PDGFRL: variants seen among roughly 807,000 people sequenced by gnomAD.
PDGFRL encodes the protein platelet-derived growth factor receptor-like protein.
PDGFRL carries 46 observed loss-of-function variants against 37.2 expected under a neutral mutation model. That is an observed-to-expected ratio of 1.24 (90% CI 0.98 to 1.58). PDGFRL has a LOEUF of 1.58. Among genes scored for constraint, PDGFRL ranks in the 40% most tolerant of loss-of-function variants. The pLI is 0.00. For synonymous variants in PDGFRL, 251 were observed against 184.3 expected (o/e 1.36, Z -2.93); for missense variants, 692 against 467.6 (o/e 1.48, Z -4.43).
chr8:17,627,716 T>C (rs564553231), intron 3 of PDGFRL, among the ~76,000 whole-genome samples: 1 of 151,808 alleles, frequency 6.6e-6, no homozygotes, highest in Non-Finnish European at 1.5e-5. Flanking sequence ...GCTCAGGAGA[T>C]CCACCCGCCT....
At chr8:17,603,780 T>C (rs1804214126) in intron 2 of PDGFRL, among the ~76,000 whole-genome samples, 4 of 152,138 alleles carry the variant, frequency 2.6e-5, no homozygotes, top group Non-Finnish European at 5.9e-5. Context: ...TAATAAAATA[T>C]TAAAGTCTGT....
intron 2 of PDGFRL, among the ~76,000 whole-genome samples, chr8:17,606,939 A>T (rs1280968045): frequency 7.8e-6 from 1 of 128,232 alleles, no homozygotes; most frequent in Non-Finnish European, 1.6e-5. Context: ...TCTGTCACCC[A>T]GGCTGGAGTG....
intron 1 of PDGFRL, among the ~76,000 whole-genome samples, chr8:17,580,637 G>T (rs940557987): frequency 6.6e-6 from 1 of 152,140 alleles, no homozygotes; most frequent in Non-Finnish European, 1.5e-5. Context: ...TAAGGAAGTG[G>T]TAAGTGGCAT....
chr8:17,626,961 C>G (rs1047089161), intron 3 of PDGFRL, among the ~76,000 whole-genome samples: 1 of 152,280 alleles, frequency 6.6e-6, no homozygotes, highest in Admixed American at 6.5e-5. Context: ...CTGGCCAAGC[C>G]GAGAGCAGAC....
At chr8:17,640,430 C>G (rs112133504) in intron 5 of PDGFRL, among the ~76,000 whole-genome samples, 17 of 152,148 alleles carry the variant, frequency 1.1e-4, no homozygotes, top group African/African-American at 3.9e-4. Flanking sequence ...AGATCTGGGG[C>G]TCAAGGGCTG....
At chr8:17,586,192 G>A (rs1422829801) in intron 1 of PDGFRL, among the ~76,000 whole-genome samples, 1 of 152,168 alleles carries the variant, frequency 6.6e-6, no homozygotes, top group Non-Finnish European at 1.5e-5. Context: ...GGCCTCAAGT[G>A]ATCCACCTTC....
chr8:17,595,719 C>T (rs908088412), intron 2 of PDGFRL, among the ~76,000 whole-genome samples: 14 of 152,140 alleles, frequency 9.2e-5, no homozygotes, highest in East Asian at 3.9e-4. Flanking sequence ...TGTGGTGGGG[C>T]GGGGGTGCTG....
At chr8:17,628,348 G>A in intron 3 of PDGFRL, 139 bp from the exon 4 acceptor site, 1 of 653,806 alleles carries the variant, frequency 1.5e-6, no homozygotes, top group Non-Finnish European at 2.7e-6. Flanking sequence ...AAAATGAAAA[G>A]CATTAAAGTA....
intron 4 of PDGFRL, among the ~76,000 whole-genome samples, chr8:17,631,986 C>T (rs1462083199): frequency 6.6e-6 from 1 of 152,214 alleles, no homozygotes; most frequent in African/African-American, 2.4e-5. Context: ...CACGTGTCCG[C>T]CGTCCACCTC....
Position 17,621,053 on chromosome 8 carries a change from T to A in PDGFRL, c.356T>A (p.Val119Asp). The A allele has an allele frequency of 1.9e-6, 3 of 1,597,212 alleles. No individual in the cohort carries two copies. The highest frequency in any genetic ancestry group is 2.6e-6 in the Non-Finnish European group (3 of 1,168,802). ...LDTFKDSRLSVKQNERYGQLT... is the reference protein window; with the variant it reads ...LDTFKDSRLSDKQNERYGQLT... ...GTTCATGTGTCTTTTATTCCTAGCG[T>A]CAAGCAGAATGAGCGCTACGGCCAG... Residue 119 changes from valine to aspartate, a missense_variant and splice_region_variant, in exon 3 of 6, where the codon GTC becomes GAC. Physicochemically the swap from Val to Asp is radical, Grantham distance 152. Transcript: ENST00000251630.
At chr8:17,609,634 TAAAAAAAAAAA>T (rs3040922) in intron 2 of PDGFRL, among the ~76,000 whole-genome samples, 24 of 43,544 alleles carry the variant, frequency 5.5e-4, no homozygotes, top group African/African-American at 1.8e-3. Context: ...TGAGACTCTG[TAAAAAAAAAAA>T]AAAAAAAAAA....
At chr8:17,631,418 A>G (rs749442689) in intron 4 of PDGFRL, among the ~76,000 whole-genome samples, 7 of 151,890 alleles carry the variant, frequency 4.6e-5, no homozygotes, top group Non-Finnish European at 8.8e-5. Flanking sequence ...CTGAAGTTAG[A>G]ATTTGGGTTC....
At chr8:17,629,439 C>T (rs914960780) in intron 4 of PDGFRL, among the ~76,000 whole-genome samples, 4 of 152,130 alleles carry the variant, frequency 2.6e-5, no homozygotes, top group African/African-American at 9.7e-5. Context: ...TGGTCTAAAC[C>T]CAAATCTGCT....
chr8:17,628,284 G>A (rs7813615), intron 3 of PDGFRL, among the ~76,000 whole-genome samples: 25,444 of 151,854 alleles, frequency 0.17, 3,569 homozygotes, highest in African/African-American at 0.39. Context: ...GTGAGCTACC[G>A]CGCCCAGCCT....
chr8:17,625,862 G>A (rs1335469488), intron 3 of PDGFRL, among the ~76,000 whole-genome samples: 1 of 151,992 alleles, frequency 6.6e-6, no homozygotes, highest in African/African-American at 2.4e-5. Flanking sequence ...AGGCATGGTG[G>A]CACGTGCCTG....
intron 2 of PDGFRL, among the ~76,000 whole-genome samples, chr8:17,605,987 G>A (rs1804268153): frequency 6.6e-6 from 1 of 152,194 alleles, no homozygotes; most frequent in Admixed American, 6.5e-5. Context: ...GTGGGCCGAT[G>A]GAGCAGAGAG....
At chr8:17,633,675 G>C (rs1804906669) in intron 4 of PDGFRL, among the ~76,000 whole-genome samples, 1 of 152,118 alleles carries the variant, frequency 6.6e-6, no homozygotes, top group African/African-American at 2.4e-5. Flanking sequence ...CGTCTTCTGC[G>C]GATGGTCAGC....
intron 2 of PDGFRL, among the ~76,000 whole-genome samples, chr8:17,595,729 G>T (rs1355853475): frequency 1.3e-5 from 2 of 152,220 alleles, no homozygotes; most frequent in African/African-American, 4.8e-5. Context: ...CGGGGGTGCT[G>T]GGTACCCCAG....
At chr8:17,612,280 C>T (rs1476787171) in intron 2 of PDGFRL, among the ~76,000 whole-genome samples, 4 of 152,184 alleles carry the variant, frequency 2.6e-5, no homozygotes, top group Admixed American at 1.3e-4. Context: ...ATCTGTTTCA[C>T]ACTTTATAAG....
Sources: allele counts gnomAD v4.1 joint callset (sites outside exome capture counted in the v4.1 genomes callset), GRCh38; gene constraint gnomAD v4.1.1; transcripts MANE v1.5; gene names NCBI Gene and HGNC (gene_info 2026-07-23, HGNC 2026-07-21).